Variants in SLC4A10 observed in about 807,000 individuals in gnomAD.
SLC4A10 encodes the protein sodium-driven chloride bicarbonate exchanger.
Under a neutral mutation model 137.7 loss-of-function variants are expected in SLC4A10, and 42 were observed. The ratio of observed to expected loss-of-function variants is 0.30; its 90% CI spans 0.24 to 0.39. The LOEUF is 0.39. SLC4A10 is among the 10% of genes least tolerant of loss of function. SLC4A10 has a pLI of 1.00. For synonymous variants in SLC4A10, 474 were observed against 464.1 expected, an observed-to-expected ratio of 1.02 and a Z score of -0.27; for missense variants, 925 against 1,355.0, an observed-to-expected ratio of 0.68 and a Z score of 4.98.
At chr2:161,943,449 A>G (rs1206413057) in intron 16 of SLC4A10, among the ~76,000 whole-genome samples, 2 of 151,962 alleles carry the variant, frequency 1.3e-5, no homozygotes, top group African/African-American at 4.8e-5. Flanking sequence ...CATATTTTTC[A>G]CCTATAACAG....
intron 23 of SLC4A10, among the ~76,000 whole-genome samples, chr2:161,967,536 GAT>G (rs1697815643): frequency 6.6e-6 from 1 of 152,148 alleles, no homozygotes; most frequent in Admixed American, 6.5e-5. Flanking sequence ...TTGGTGGTAA[GAT>G]GTGCTCCTTA....
At chr2:161,897,188 A>T (rs1415385977) in intron 11 of SLC4A10, among the ~76,000 whole-genome samples, 1 of 151,068 alleles carries the variant, frequency 6.6e-6, no homozygotes, top group Middle Eastern at 3.2e-3. Flanking sequence ...TACAATCCAG[A>T]AAGATAGAAA....
intron 1 of SLC4A10, among the ~76,000 whole-genome samples, chr2:161,683,859 A>T (rs1559022673): frequency 6.6e-6 from 1 of 151,920 alleles, no homozygotes. Context: ...ACCACATTCC[A>T]TTTTTTTTGT....
chr2:161,949,004 A>G, intron 17 of SLC4A10, 144 bp from the exon 18 acceptor site: 1 of 530,160 alleles, frequency 1.9e-6, no homozygotes, highest in Middle Eastern at 5.0e-4. Context: ...GACAGAGCTA[A>G]TGGTAATCTT....
intron 1 of SLC4A10, among the ~76,000 whole-genome samples, chr2:161,677,698 A>C (rs546464322): frequency 6.6e-6 from 1 of 152,272 alleles, no homozygotes; most frequent in African/African-American, 2.4e-5. Context: ...TATCTCATTT[A>C]ATCTTCAAAA....
At chr2:161,818,730 A>G (rs1015673388) in intron 3 of SLC4A10, among the ~76,000 whole-genome samples, 3 of 152,108 alleles carry the variant, frequency 2.0e-5, no homozygotes, top group Non-Finnish European at 4.4e-5. Context: ...CATCTGTTGA[A>G]ATAATCATGT....
At position 161,836,528 on chromosome 2, in the gene SLC4A10, GAGAGAAAGAA is replaced by G. The variant is rs1305307069; in HGVS notation, c.278-3257_278-3248del. ...AAAAAGAAAGAAAGAAAGAGAGAGA[GAGAGAAAGAA>G]AGAAAGAAAGAAAGAAAGAAAGAAA... On this transcript the variant is annotated intron_variant, in intron 3 of 26. Coordinates refer to ENST00000446997, the MANE Select transcript of SLC4A10 (RefSeq NM_001178015.2). Among the ~76,000 whole-genome samples the G allele has an allele frequency of 9.6e-4, 80 of 83,720 alleles. 1 individual carries two copies. The highest frequency in any genetic ancestry group is 5.1e-3 in the South Asian group (13 of 2,558). 54.9% of individuals were successfully genotyped at this position (83,720 alleles called of 152,430 possible). A position where few individuals can be genotyped will look rare whatever the true frequency, so the allele number is the denominator to read the frequency against.
At chr2:161,696,322 T>C (rs1299549161) in intron 1 of SLC4A10, among the ~76,000 whole-genome samples, 1 of 151,138 alleles carries the variant, frequency 6.6e-6, no homozygotes, top group Non-Finnish European at 1.5e-5. Flanking sequence ...ATTATTATTA[T>C]ACTTTAAGTT....
At chr2:161,709,239 C>T (rs2044028909) in intron 1 of SLC4A10, among the ~76,000 whole-genome samples, 1 of 151,546 alleles carries the variant, frequency 6.6e-6, no homozygotes, top group Non-Finnish European at 1.5e-5. Context: ...TAGCTGCTTA[C>T]AGATACTGAT....
intron 3 of SLC4A10, among the ~76,000 whole-genome samples, chr2:161,819,240 C>A (rs2057400961): frequency 6.6e-6 from 1 of 152,036 alleles, no homozygotes; most frequent in Non-Finnish European, 1.5e-5. Flanking sequence ...TGGTTCAAGC[C>A]TACCATATGT....
intron 3 of SLC4A10, among the ~76,000 whole-genome samples, chr2:161,815,781 T>A (rs977138137): frequency 6.6e-6 from 1 of 152,140 alleles, no homozygotes; most frequent in African/African-American, 2.4e-5. Context: ...AAGAATCAGA[T>A]TCTGAGAAGC....
chr2:161,928,273 C>T (rs1226376253), intron 15 of SLC4A10, among the ~76,000 whole-genome samples: 1 of 147,334 alleles, frequency 6.8e-6, no homozygotes, highest in African/African-American at 2.5e-5. Context: ...ATCGCAAGAA[C>T]AAAAAACCAA....
intron 6 of SLC4A10, among the ~76,000 whole-genome samples, chr2:161,866,628 A>G (rs1228991659): frequency 6.6e-6 from 1 of 151,978 alleles, no homozygotes; most frequent in Non-Finnish European, 1.5e-5. Context: ...CTACTTTGAC[A>G]TTAGTACCCT....
At chr2:161,839,672 G>A in intron 3 of SLC4A10, 117 bp from the exon 4 acceptor site, 1 of 1,068,126 alleles carries the variant, frequency 9.4e-7, no homozygotes, top group South Asian at 1.6e-5. Flanking sequence ...GAGCAGGGGA[G>A]GTGTGAGCTT....
At chr2:161,891,609 C>T (rs1225058984) in intron 10 of SLC4A10, among the ~76,000 whole-genome samples, 5 of 151,936 alleles carry the variant, frequency 3.3e-5, no homozygotes, top group Non-Finnish European at 7.4e-5. Flanking sequence ...CTTCTGTATG[C>T]TTCACGAAGT....
At chr2:161,939,505 T>G (rs1692270889) in intron 15 of SLC4A10, among the ~76,000 whole-genome samples, 1 of 152,194 alleles carries the variant, frequency 6.6e-6, no homozygotes, top group Non-Finnish European at 1.5e-5. Flanking sequence ...ATAGCCACAA[T>G]TAACATATGT....
intron 21 of SLC4A10, among the ~76,000 whole-genome samples, chr2:161,960,779 G>C (rs1229100834): frequency 6.6e-6 from 1 of 151,826 alleles, no homozygotes; most frequent in East Asian, 1.9e-4. Flanking sequence ...CATAAATCAA[G>C]GGTGCTAGGA....
intron 5 of SLC4A10, among the ~76,000 whole-genome samples, chr2:161,859,296 C>CTTTTCTTTTCTTTTCT (rs796639016): frequency 3.5e-5 from 5 of 142,638 alleles, no homozygotes; most frequent in East Asian, 4.0e-4. Context: ...CTTTTCTTTT[C>CTTTTCTTTTCTTTTCT]TTTTTTTTTT....
chr2:161,853,085 A>C (rs1243465858), intron 4 of SLC4A10, among the ~76,000 whole-genome samples: 1 of 152,184 alleles, frequency 6.6e-6, no homozygotes, highest in Non-Finnish European at 1.5e-5. Flanking sequence ...AGAAATAGTA[A>C]TTTATATTTA....
Sources: gnomAD v4.1 joint callset for allele counts (sites outside exome capture counted in the v4.1 genomes callset) on GRCh38, gnomAD v4.1.1 for gene constraint, MANE v1.5 for transcripts, NCBI Gene and HGNC (gene_info 2026-07-23, HGNC 2026-07-21) for gene names.